The following THAP12 variants were observed in gnomAD, a reference collection of about 807,000 sequenced individuals.
The protein encoded by THAP12 is THAP domain containing 12.
THAP12 carries 20 observed loss-of-function variants against 63.0 expected under a neutral mutation model. The observed-to-expected ratio is 0.32, with a 90% CI of 0.22 to 0.46. The LOEUF (loss-of-function observed/expected upper bound fraction) is 0.46. Among genes scored for constraint, THAP12 ranks in the 20% least tolerant of loss-of-function variants. THAP12 has a pLI of 1.00. For missense variants in THAP12, 568 were observed against 908.2 expected, an observed-to-expected ratio of 0.63 and a Z score of 4.81; for synonymous variants, 264 against 328.4, an observed-to-expected ratio of 0.80 and a Z score of 2.12.
intron 1 of THAP12, among the ~76,000 whole-genome samples, chr11:76,373,891 A>G (rs1946691011): frequency 6.6e-6 from 1 of 152,190 alleles, no homozygotes; most frequent in African/African-American, 2.4e-5. Context: ...TTATTAATTC[A>G]TTAAAATACC....
At position 76,351,456 on chromosome 11, in the gene THAP12, T is replaced by C; in HGVS notation, c.1694A>G (p.Glu565Gly). 1 of 1,599,758 alleles carries C rather than the reference T, an allele frequency of 6.3e-7. No individual in the cohort carries two copies. Among genetic ancestry groups the C allele is most frequent in the Non-Finnish European group, 8.6e-7 (1 of 1,169,414 alleles). Residue 565 changes from glutamate to glycine, a missense_variant, in exon 5 of 5, where the codon GAA (glutamate) becomes GGA (glycine). Physicochemically the swap from Glu to Gly is moderately conservative, Grantham distance 98. Coordinates refer to ENST00000260045, the MANE Select transcript of THAP12 (RefSeq NM_004705.4). The part of the protein sequence containing the change: ...KFRRAHQGNL[E>G]SQLTSESYYK... ...GTAACTCTCAGAGGTTAGCTGAGATTCCAAGTTACCCTGGTGAGCTCTGCG... is the reference window on the plus strand; with the variant it reads ...GTAACTCTCAGAGGTTAGCTGAGATCCCAAGTTACCCTGGTGAGCTCTGCG...
intron 1 of THAP12, among the ~76,000 whole-genome samples, chr11:76,380,487 G>T (rs1054014178): frequency 3.3e-5 from 5 of 152,180 alleles, no homozygotes; most frequent in African/African-American, 1.2e-4. Flanking sequence ...TCCGCGCGCC[G>T]CCCCAGCTCC....
In THAP12 at chr11:76,351,035, T is replaced by C. The variant is rs1946522512; in HGVS notation, c.2115A>G (p.Lys705=). The change falls in exon 5 of 5, where the codon AAA becomes AAG. Residue 705 remains lysine (K), a synonymous_variant. Transcript: ENST00000260045. ...ERYENGRKRL[K]AYLRNTLTDQ... is the part of the protein sequence containing the mutation. ...CTGTCAAAGTGTTCCTCAAATATGCTTTAAGACGCTTTCGTCCATTTTCAT... is the reference window on the plus strand; with the variant it reads ...CTGTCAAAGTGTTCCTCAAATATGCCTTAAGACGCTTTCGTCCATTTTCAT... The C allele has an allele frequency of 2.5e-6, 4 of 1,612,020 alleles. No individual in the cohort carries two copies. The East Asian group carries it at 8.9e-5, about 36-fold the overall frequency.
At chr11:76,365,733 A>T in intron 2 of THAP12, 119 bp downstream of exon 2, 1 of 1,270,426 alleles carries the variant, frequency 7.9e-7, no homozygotes, top group South Asian at 1.6e-5. Context: ...TCTTCATCTT[A>T]AAGTGGCAGG....
intron 3 of THAP12, chr11:76,358,284 G>C (rs572299075): frequency 3.3e-5 from 5 of 151,336 alleles, no homozygotes. Flanking sequence ...TGAAAAGAAG[G>C]CTACAGACCA....
chr11:76,361,081 G>T lies in THAP12; in HGVS notation c.211-18C>A. 6.7e-7 allele frequency: 1 copy of T among 1,502,806 alleles called. No homozygotes were observed. The highest frequency in any genetic ancestry group is 9.3e-7 in the Non-Finnish European group (1 of 1,081,022). 93.1% of individuals were successfully genotyped at this position (1,502,806 alleles called of 1,614,324 possible). ...TAAGGACTCTGAAAAAGAAAATTGT[G>T]TTAATTCAGAGATGGTCCTTATAAA... is the stretch of plus-strand genomic sequence containing the variant. On this transcript the variant is annotated intron_variant, in intron 2 of 4. Coordinates refer to ENST00000260045, the MANE Select transcript of THAP12 (RefSeq NM_004705.4).
At chr11:76,366,634 T>C (rs565462108) in intron 1 of THAP12, among the ~76,000 whole-genome samples, 1 of 151,884 alleles carries the variant, frequency 6.6e-6, no homozygotes, top group African/African-American at 2.4e-5. Context: ...TGAGCCGAGA[T>C]TGCGCCACTG....
chr11:76,374,040 A>C (rs1455322154), intron 1 of THAP12, among the ~76,000 whole-genome samples: 1 of 152,230 alleles, frequency 6.6e-6, no homozygotes, highest in African/African-American at 2.4e-5. Context: ...CTAGATTCTC[A>C]CATCTGCTTC....
chr11:76,357,307 G>T (rs1424847169), intron 3 of THAP12: 1 of 152,170 alleles, frequency 6.6e-6, no homozygotes, highest in Admixed American at 6.5e-5. Flanking sequence ...ACACCAAGAA[G>T]AAAGCTGATA....
At chr11:76,370,849 T>TAC in intron 1 of THAP12, among the ~76,000 whole-genome samples, 1 of 146,668 alleles carries the variant, frequency 6.8e-6, no homozygotes, top group South Asian at 2.2e-4. Context: ...AAAAAATATA[T>TAC]ATATATATGA....
intron 1 of THAP12, among the ~76,000 whole-genome samples, chr11:76,373,684 T>A (rs1393197913): frequency 2.0e-5 from 3 of 150,330 alleles, no homozygotes; most frequent in Non-Finnish European, 3.0e-5. Context: ...CTCCTGCCAC[T>A]GCACTCCAGC....
rs1231608892 is a variant in THAP12, at chr11:76,352,186, T to C, written c.964A>G (p.Met322Val). The C allele has an allele frequency of 1.2e-6, 2 of 1,609,954 alleles. No individual in the cohort carries two copies. Among genetic ancestry groups the C allele is most frequent in the East Asian group, 2.2e-5 (1 of 44,860 alleles). Reference protein sequence around the residue: ...TMITEKWGLNMEYCRGQAYIV... With the variant: ...TMITEKWGLNVEYCRGQAYIV... The stretch of plus-strand genomic sequence containing the variant: ...TAAGCCTGGCCACGACAATACTCCA[T>C]ATTTAATCCCCACTTCTCAGTTATC... The change falls in exon 5 of 5, where the codon ATG (methionine) becomes GTG (valine). Residue 322 changes from methionine to valine, a missense_variant. By Grantham distance (21) the Met-to-Val change is conservative. Coordinates refer to ENST00000260045, the MANE Select transcript of THAP12 (RefSeq NM_004705.4).
chr11:76,355,740 A>G (rs1946557097), intron 3 of THAP12, 86 bp from the exon 4 acceptor site: 3 of 1,071,826 alleles, frequency 2.8e-6, no homozygotes, highest in Non-Finnish European at 3.9e-6. Flanking sequence ...ACAAATACAA[A>G]TGCCTATTCT....
chr11:76,379,503 C>G (rs922281251), intron 1 of THAP12, among the ~76,000 whole-genome samples: 3 of 152,228 alleles, frequency 2.0e-5, no homozygotes, highest in African/African-American at 7.2e-5. Context: ...CTCCCAGTCC[C>G]TCTCCCTGGA....
chr11:76,355,445 TAA>T (rs1946554810), intron 4 of THAP12, among the ~76,000 whole-genome samples, 171 bp downstream of exon 4: 1 of 152,146 alleles, frequency 6.6e-6, no homozygotes, highest in Admixed American at 6.5e-5. Flanking sequence ...AAAGACAAAC[TAA>T]AATTAGACTT....
At position 76,351,707 on chromosome 11, in the gene THAP12, A is replaced by G. The variant is rs771528703; in HGVS notation, c.1443T>C (p.Val481=). Residue 481 remains valine, a synonymous_variant, in exon 5 of 5, where the codon GTT becomes GTC. Transcript: ENST00000260045. ...GGACATTTTTAAGAACAACAATAGT[A>G]ACAATGAAATCAAAATCTGACACTG... ...CSAVSDFDFI[V]TIVVLKNVLS... The G allele has an allele frequency of 1.9e-6, 3 of 1,603,700 alleles. No homozygotes were observed. The highest frequency in any genetic ancestry group is 2.3e-5 in the South Asian group (2 of 88,722).
intron 1 of THAP12, among the ~76,000 whole-genome samples, chr11:76,373,671 A>C (rs1050262041): frequency 2.6e-5 from 4 of 151,324 alleles, no homozygotes; most frequent in African/African-American, 9.7e-5. Flanking sequence ...GCAGTGAGCC[A>C]TGCTCCTGCC....
At chr11:76,359,236 G>A (rs559663204) in intron 3 of THAP12, 12 of 152,112 alleles carry the variant, frequency 7.9e-5, no homozygotes, top group South Asian at 4.2e-4. Context: ...AAAATTTTTC[G>A]TTTTCTGTAC....
chr11:76,356,388 C>T (rs140775589), intron 3 of THAP12: 1 of 152,368 alleles, frequency 6.6e-6, no homozygotes, highest in East Asian at 1.9e-4. Context: ...GACATCCCCT[C>T]CTTATCCTAC....
Sources: gnomAD v4.1 joint callset for allele counts (sites outside exome capture counted in the v4.1 genomes callset) on GRCh38, gnomAD v4.1.1 for gene constraint, MANE v1.5 for transcripts, NCBI Gene and HGNC (gene_info 2026-07-23, HGNC 2026-07-21) for gene names.